SRGAP3: variants seen among roughly 807,000 people sequenced by gnomAD.
SRGAP3 encodes SLIT-ROBO Rho GTPase-activating protein 3.
A neutral mutation model predicts 121.1 loss-of-function variants in SRGAP3; 39 were observed. That is an observed-to-expected ratio of 0.32 (90% confidence interval 0.25 to 0.42). The LOEUF (loss-of-function observed/expected upper bound fraction) is 0.42. SRGAP3 is among the 10% of genes least tolerant of loss of function. The pLI is 1.00. For synonymous variants in SRGAP3, 601 were observed against 570.0 expected (o/e 1.05, Z -0.77); for missense variants, 1,213 against 1,470.6 (o/e 0.82, Z 2.86).
chr3:9,106,557 T>C (rs1948425194), intron 2 of SRGAP3, among the ~76,000 whole-genome samples: 1 of 152,212 alleles, frequency 6.6e-6, no homozygotes, highest in Admixed American at 6.5e-5. Context: ...TCTCCCAGAA[T>C]TCCCACATGT....
intron 9 of SRGAP3, among the ~76,000 whole-genome samples, chr3:9,049,837 G>A (rs115065433): frequency 0.023 from 3,450 of 149,390 alleles, 67 homozygotes; most frequent in Non-Finnish European, 0.035. Context: ...GCAGTAGTAC[G>A]ATGTTGGCTC....
chr3:9,140,528 T>A (rs1575134015), intron 1 of SRGAP3, among the ~76,000 whole-genome samples: 1 of 152,228 alleles, frequency 6.6e-6, no homozygotes, highest in South Asian at 2.1e-4. Flanking sequence ...TGAACACCTA[T>A]GTGCTAAGCC....
At chr3:9,237,090 C>T (rs929336097) in intron 1 of SRGAP3, among the ~76,000 whole-genome samples, 39 of 152,296 alleles carry the variant, frequency 2.6e-4, no homozygotes, top group African/African-American at 7.0e-4. Context: ...TCCTGCATTA[C>T]GTCTCAATCA....
intron 1 of SRGAP3, among the ~76,000 whole-genome samples, chr3:9,157,148 G>A (rs941132200): frequency 1.3e-4 from 20 of 152,260 alleles, no homozygotes; most frequent in Admixed American, 8.5e-4. Context: ...TAATTGACTC[G>A]CAGTTGCACA....
At chr3:9,122,209 A>T (rs1949032027) in intron 2 of SRGAP3, among the ~76,000 whole-genome samples, 1 of 152,198 alleles carries the variant, frequency 6.6e-6, no homozygotes, top group Non-Finnish European at 1.5e-5. Context: ...AAATGTGAGC[A>T]GTGGTTGTGA....
intron 3 of SRGAP3, among the ~76,000 whole-genome samples, chr3:9,261,988 C>A (rs1480429987): frequency 6.6e-6 from 1 of 151,976 alleles, no homozygotes; most frequent in East Asian, 1.9e-4. Flanking sequence ...CAAAGGGAAG[C>A]CCATCAGACT....
At chr3:9,110,472 T>C (rs1208745883) in intron 2 of SRGAP3, among the ~76,000 whole-genome samples, 3 of 152,192 alleles carry the variant, frequency 2.0e-5, no homozygotes, top group African/African-American at 7.2e-5. Flanking sequence ...TGTGGCCACA[T>C]GGCAGAAGAG....
intron 1 of SRGAP3, among the ~76,000 whole-genome samples, chr3:9,345,433 A>G (rs1282783603): frequency 2.0e-5 from 3 of 151,660 alleles, no homozygotes; most frequent in African/African-American, 7.3e-5. Context: ...AGTGAGCCAT[A>G]AACACACCAC....
At chr3:9,265,815 G>A (rs994194294) in intron 3 of SRGAP3, among the ~76,000 whole-genome samples, 95 of 152,258 alleles carry the variant, frequency 6.2e-4, no homozygotes, top group African/African-American at 2.0e-3. Context: ...ACAGTGTGGC[G>A]ATTCCTCAAG....
chr3:9,153,099 T>C (rs145180306), intron 1 of SRGAP3, among the ~76,000 whole-genome samples: 24 of 152,328 alleles, frequency 1.6e-4, no homozygotes, highest in South Asian at 6.2e-4. Flanking sequence ...AGCTGTAACG[T>C]TGCGTTTTAT....
At chr3:9,104,240 T>G (rs1469516330) in intron 3 of SRGAP3, among the ~76,000 whole-genome samples, 1 of 152,196 alleles carries the variant, frequency 6.6e-6, no homozygotes, top group Non-Finnish European at 1.5e-5. Context: ...AAAAAATGCA[T>G]GTGTACACTA....
intron 4 of SRGAP3, among the ~76,000 whole-genome samples, chr3:9,070,471 C>T (rs1170458790): frequency 6.6e-6 from 1 of 152,222 alleles, no homozygotes; most frequent in Non-Finnish European, 1.5e-5. Flanking sequence ...CAGAGCAGAG[C>T]CTGGTACCCA....
chr3:9,104,546 A>T, intron 3 of SRGAP3, 134 bp downstream of exon 3: 2 of 1,216,698 alleles, frequency 1.6e-6, no homozygotes, highest in Non-Finnish European at 2.4e-6. Context: ...GCCCTCAGCC[A>T]CTTGCATCCT....
At chr3:9,178,170 C>T (rs755188581) in intron 1 of SRGAP3, among the ~76,000 whole-genome samples, 2 of 151,980 alleles carry the variant, frequency 1.3e-5, no homozygotes, top group African/African-American at 4.8e-5. Context: ...AGGGAGGATG[C>T]GGTGGGAGGA....
At chr3:9,263,370 A>G (rs1954290779) in intron 3 of SRGAP3, among the ~76,000 whole-genome samples, 1 of 152,172 alleles carries the variant, frequency 6.6e-6, no homozygotes, top group Non-Finnish European at 1.5e-5. Context: ...CTAAGATCAG[A>G]GCAGAACAGA....
Position 9,357,872 on chromosome 3 carries a change from A to T in SRGAP3, n.214+4968T>A, listed in dbSNP as rs919907807. The stretch of plus-strand genomic sequence containing the variant: ...CATAACACAAAATTCCCCATTTGAA[A>T]TTTTTTTTTTTTTCTTTTTTGAGAT... On this transcript the variant is annotated intron_variant and non_coding_transcript_variant, in intron 1 of 3. Transcript: ENST00000490889. 1.0e-4 allele frequency among the ~76,000 whole-genome samples: 15 copies of T among 145,926 alleles called. No individual in the cohort carries two copies. In the East Asian group the frequency reaches 1.8e-3, roughly 17 times the overall value.
intron 1 of SRGAP3, among the ~76,000 whole-genome samples, chr3:9,343,523 T>A (rs1955828917): frequency 6.6e-6 from 1 of 152,240 alleles, no homozygotes; most frequent in Non-Finnish European, 1.5e-5. Flanking sequence ...AAGTCATATA[T>A]GTTTATTGTA....
chr3:9,293,166 T>C (rs957096048), intron 3 of SRGAP3: 1 of 151,976 alleles, frequency 6.6e-6, no homozygotes, highest in Non-Finnish European at 1.5e-5. Context: ...GTATTGTAAA[T>C]AGGAGAGTTA....
intron 3 of SRGAP3, among the ~76,000 whole-genome samples, chr3:9,288,326 C>T (rs765863736): frequency 2.0e-5 from 3 of 151,282 alleles, no homozygotes; most frequent in Non-Finnish European, 4.4e-5. Flanking sequence ...TTAGTAGAGA[C>T]GGGTTTCACC....
Sources: gnomAD v4.1 joint callset for allele counts (sites outside exome capture counted in the v4.1 genomes callset) on GRCh38, gnomAD v4.1.1 for gene constraint, MANE v1.5 for transcripts, NCBI Gene and HGNC (gene_info 2026-07-23, HGNC 2026-07-21) for gene names.